Variants in MELTF observed in about 807,000 individuals in gnomAD.
The protein encoded by MELTF is antigen p97 (melanoma associated) identified by monoclonal antibodies 133.2 and 96.5.
MELTF carries 67 observed loss-of-function variants against 83.7 expected under a neutral mutation model. The ratio of observed to expected loss-of-function variants is 0.80; its 90% CI spans 0.66 to 0.98. The LOEUF is 0.98. Among genes scored for constraint, MELTF ranks in the 50% least tolerant of loss-of-function variants. The probability of loss-of-function intolerance (pLI) is 0.00; values close to 1 mark genes in which losing one functional copy is unlikely to be tolerated. For missense variants in MELTF, 1,002 were observed against 1,035.6 expected (o/e 0.97, Z 0.44); for synonymous variants, 462 against 447.6 (o/e 1.03, Z -0.41).
At position 197,008,611 on chromosome 3, in the gene MELTF, A is replaced by G. The variant is rs1246462519; in HGVS notation, c.1750+46T>C. 1 of 1,580,416 alleles carries G rather than the reference A, an allele frequency of 6.3e-7. No individual in the cohort carries two copies. Among genetic ancestry groups the G allele is most frequent in the South Asian group, 1.2e-5 (1 of 86,250 alleles). On this transcript the variant is annotated intron_variant, in intron 13 of 15. Coordinates refer to ENST00000296350, the MANE Select transcript of MELTF (RefSeq NM_005929.6). This position sits in a 1 kb window ranked among gnomAD's most constrained non-coding sequence, Gnocchi z 5.4. ...GTCTGGATGGTGCTGAAGATGGGGAACAGTCCCCCCGACCTACCTTTGGCC... is the reference window on the plus strand; with the variant it reads ...GTCTGGATGGTGCTGAAGATGGGGAGCAGTCCCCCCGACCTACCTTTGGCC...
rs1421318493 is a variant in MELTF, at chr3:197,027,812, G to T, written c.148C>A (p.Pro50Thr). The change falls in exon 2 of 16, where the codon CCC (proline) becomes ACC (threonine). Residue 50 changes from proline to threonine, a missense_variant. By Grantham distance (38) the Pro-to-Thr change is conservative. Coordinates refer to ENST00000296350, the MANE Select transcript of MELTF (RefSeq NM_005929.6). ...SEAFREAGIQ[P>T]SLLCVRGTSA... Reference sequence around the variant, plus strand: ...GTGCCCCGGACGCAGAGGAGGGAGGGCTGGATGCCCGCTTCCCGGAAGGCC... The same window carrying T: ...GTGCCCCGGACGCAGAGGAGGGAGGTCTGGATGCCCGCTTCCCGGAAGGCC... 1 of 1,611,110 alleles carries T rather than the reference G, an allele frequency of 6.2e-7. No individual in the cohort carries two copies. Among genetic ancestry groups the T allele is most frequent in the African/African-American group, 1.3e-5 (1 of 74,886 alleles).
intron 8 of MELTF, 50 bp from the exon 9 acceptor site, chr3:197,015,566 A>G: frequency 6.4e-7 from 1 of 1,565,808 alleles, no homozygotes; most frequent in Non-Finnish European, 8.7e-7. Context: ...CTGCCATGGA[A>G]GAGCATGGAG....
rs1718974468 is a variant in MELTF, at chr3:197,006,316, A to G, written c.1938+233T>C. On this transcript the variant is annotated intron_variant, in intron 14 of 15. Coordinates refer to ENST00000296350, the MANE Select transcript of MELTF (RefSeq NM_005929.6). This position sits in a 1 kb window ranked among gnomAD's most constrained non-coding sequence, Gnocchi z 5.4. ...TTGTTCTTTAAGGATGGCAGAAGTCACAGCATGTTTCATGTTGGTGAAAAT... is the reference window on the plus strand; with the variant it reads ...TTGTTCTTTAAGGATGGCAGAAGTCGCAGCATGTTTCATGTTGGTGAAAAT... Among the ~76,000 whole-genome samples the G allele has an allele frequency of 6.6e-6, 1 of 152,232 alleles. No homozygotes were observed. The highest frequency in any genetic ancestry group is 2.1e-4 in the South Asian group (1 of 4,836).
intron 6 of MELTF, chr3:197,019,321 A>G (rs1719526788): frequency 9.1e-7 from 1 of 1,094,990 alleles, no homozygotes; most frequent in Non-Finnish European, 1.1e-6. Flanking sequence ...CTCAGCCAAG[A>G]ACAATGAAAG....
rs947832091 is a variant in MELTF, at chr3:197,003,916, G to A, written c.2122C>T (p.Gln708Ter). 9 of 1,613,584 alleles carry A rather than the reference G, an allele frequency of 5.6e-6. No homozygotes were observed. The African/African-American group carries it at 8.0e-5, about 14-fold the overall frequency. ...VAALEGMSSQ[Q>*]CSGAAAPAPG... is the part of the protein sequence containing the mutation. ...CCTGTCCTACCTGCGCCCGAGCACTGCTGAGACGACATCCCTTCCAGCGCC... is the reference window on the plus strand; with the variant it reads ...CCTGTCCTACCTGCGCCCGAGCACTACTGAGACGACATCCCTTCCAGCGCC... The change falls in exon 15 of 16, where the codon CAG becomes TAG. Residue 708 changes from glutamine (Q) to a stop codon, truncating the protein, a stop_gained. Coordinates refer to ENST00000296350, the MANE Select transcript of MELTF (RefSeq NM_005929.6). LOFTEE classifies it low-confidence loss of function (END_TRUNC). This position sits in a 1 kb window ranked among gnomAD's most constrained non-coding sequence, Gnocchi z 6.2.
At chr3:197,018,160 CT>C (rs1221852602) in intron 6 of MELTF, among the ~76,000 whole-genome samples, 3 of 151,564 alleles carry the variant, frequency 2.0e-5, no homozygotes, top group Admixed American at 2.0e-4. Flanking sequence ...CCCCCTTTTT[CT>C]TTTTGAGACG....
At chr3:197,028,822 G>A (rs376621123) in intron 1 of MELTF, 17 of 152,922 alleles carry the variant, frequency 1.1e-4, no homozygotes, top group Middle Eastern at 3.4e-3. Flanking sequence ...GACTCCGCCC[G>A]AAACCAGGTC....
At position 197,015,445 on chromosome 3, in the gene MELTF, C is replaced by A; in HGVS notation, c.1153G>T (p.Ala385Ser). ...GGCTTGAGCCGCTGCCGGCGGAAGG[C>A]CACGGCCATGTCTCCACACTTCTGG... is the stretch of plus-strand genomic sequence containing the variant. ...EIQKCGDMAV[A>S]FRRQRLKPEI... Residue 385 changes from alanine to serine, a missense_variant, in exon 9 of 16, where the codon GCC becomes TCC. By Grantham distance (99) the Ala-to-Ser change is moderately conservative. Coordinates refer to ENST00000296350, the MANE Select transcript of MELTF (RefSeq NM_005929.6). The A allele has an allele frequency of 6.2e-7, 1 of 1,606,914 alleles. No individual in the cohort carries two copies. The highest frequency in any genetic ancestry group is 8.5e-7 in the Non-Finnish European group (1 of 1,177,210).
At chr3:197,019,410 TA>T (rs1196268006) in intron 6 of MELTF, 3 of 1,333,840 alleles carry the variant, frequency 2.2e-6, no homozygotes, top group Admixed American at 3.0e-5. Context: ...TAAAGTCACT[TA>T]AAAAATGACT....
rs775171148 is a variant in MELTF at position 197,026,753 on chromosome 3, C to T, written c.211G>A (p.Glu71Lys). 1 of 1,612,050 alleles carries T rather than the reference C, an allele frequency of 6.2e-7. No individual in the cohort carries two copies. The highest frequency in any genetic ancestry group is 8.5e-7 in the Non-Finnish European group (1 of 1,179,954). The change falls in exon 3 of 16, where the codon GAG becomes AAG. Residue 71 changes from glutamate to lysine, a missense_variant. Physicochemically the swap from Glu to Lys is moderately conservative, Grantham distance 56. Coordinates refer to ENST00000296350, the MANE Select transcript of MELTF (RefSeq NM_005929.6). ...CCATCCAGAGTGATGGCGTCAGCCT[C>T]CTGGGCCTGCAAGGAAATGTGGCTC... ...DHCVQLIAAQ[E>K]ADAITLDGGA...
rs1338938844 is a variant in MELTF at position 197,008,050 on chromosome 3, A to G, written c.1750+607T>C. ...AGATTCCTTCACGGAGAACAAGAAG[A>G]AGGGGAAGTGATATAAGTCAGGGGA... On this transcript the variant is annotated intron_variant, in intron 13 of 15. Coordinates refer to ENST00000296350, the MANE Select transcript of MELTF (RefSeq NM_005929.6). The surrounding 1 kb of genome is among the most constrained non-coding windows in gnomAD (Gnocchi z 5.4). Among the ~76,000 whole-genome samples, 1 of 152,170 alleles carries G rather than the reference A, an allele frequency of 6.6e-6. No individual in the cohort carries two copies.
At chr3:197,017,801 T>G (rs560049195) in intron 6 of MELTF, among the ~76,000 whole-genome samples, 14 of 151,994 alleles carry the variant, frequency 9.2e-5, no homozygotes, top group Non-Finnish European at 2.1e-4. Context: ...GGTGTGAACC[T>G]GGGAGGCGGA....
intron 14 of MELTF, chr3:197,004,494 A>C (rs1469544867): frequency 2.0e-5 from 5 of 254,930 alleles, no homozygotes; most frequent in East Asian, 1.1e-4. Flanking sequence ...TGTCTTACAG[A>C]TATCTCCCCA....
Position 197,023,002 on chromosome 3 carries a change from TCACA to T in MELTF, c.595_598del (p.Cys199ThrfsTer28). 6.2e-7 allele frequency: 1 copy of T among 1,613,546 alleles called. No homozygotes were observed. The highest frequency in any genetic ancestry group is 8.5e-7 in the Non-Finnish European group (1 of 1,179,962). ...GTAGTATCTCTCCAGGGGGCTCTTG[TCACA>T]CACCCCTTCCCCAGAGCTGTCACCC... On this transcript the variant is annotated frameshift_variant, in exon 5 of 16. Transcript: ENST00000296350. LOFTEE classifies it high-confidence loss of function.
chr3:197,019,303 C>T (rs746091817), intron 6 of MELTF: 50 of 1,066,746 alleles, frequency 4.7e-5, no homozygotes, highest in East Asian at 2.6e-4. Context: ...CAGCCACTCC[C>T]GCTTCTCCTC....
chr3:197,011,876 C>G lies in MELTF; in HGVS notation c.1234-1082G>C, dbSNP rs571310806. On this transcript the variant is annotated intron_variant, in intron 9 of 15. Transcript: ENST00000296350. The surrounding 1 kb of genome is among the most constrained non-coding windows in gnomAD (Gnocchi z 4.2). The stretch of plus-strand genomic sequence containing the variant: ...AAGTCTCTCCTCTTCCTGCAGGCCC[C>G]AGGGCAGCCCCGTGGCCCTCTGTGA... Among the ~76,000 whole-genome samples the G allele has an allele frequency of 1.7e-3, 266 of 152,302 alleles. No homozygotes were observed. The highest frequency in any genetic ancestry group is 2.2e-4 in the Non-Finnish European group (15 of 68,028).
chr3:197,013,310 A>C (rs1719250021), intron 9 of MELTF, among the ~76,000 whole-genome samples: 1 of 152,212 alleles, frequency 6.6e-6, no homozygotes, highest in South Asian at 2.1e-4. Flanking sequence ...GAAGAAGCTG[A>C]ATGTCCAAGT....
intron 6 of MELTF, chr3:197,019,619 C>G (rs763297653): frequency 1.7e-5 from 28 of 1,608,540 alleles, no homozygotes; most frequent in Non-Finnish European, 2.1e-5. Flanking sequence ...CCCAACATAT[C>G]CCTACTCTTT....
At chr3:197,013,121 C>T (rs189320412) in intron 9 of MELTF, among the ~76,000 whole-genome samples, 1 of 152,222 alleles carries the variant, frequency 6.6e-6, no homozygotes, top group African/African-American at 2.4e-5. Flanking sequence ...CCTGAATAGC[C>T]AAAGCAATCC....
Sources: gnomAD v4.1 joint callset for allele counts (sites outside exome capture counted in the v4.1 genomes callset) on GRCh38, gnomAD v4.1.1 for gene constraint, Gnocchi (gnomAD v3.1) non-coding constraint, MANE v1.5 for transcripts, NCBI Gene and HGNC (gene_info 2026-07-23, HGNC 2026-07-21) for gene names.